Variants in PTPRO observed in about 807,000 individuals in gnomAD.
PTPRO encodes the protein protein tyrosine phosphatase receptor type O.
Under a neutral mutation model 145.2 loss-of-function variants are expected in PTPRO, and 62 were observed. That is an observed-to-expected ratio of 0.43 (90% CI 0.35 to 0.53). The LOEUF is 0.53. Ranked by LOEUF, PTPRO falls within the 20% of genes least tolerant of loss-of-function variation. PTPRO has a pLI of 0.01. For synonymous variants in PTPRO, 565 were observed against 514.7 expected, an observed-to-expected ratio of 1.10 and a Z score of -1.32; for missense variants, 1,345 against 1,482.7, an observed-to-expected ratio of 0.91 and a Z score of 1.53.
intron 1 of PTPRO, among the ~76,000 whole-genome samples, chr12:15,404,650 A>C (rs1369413457): frequency 1.3e-5 from 2 of 152,210 alleles, no homozygotes; most frequent in African/African-American, 4.8e-5. Context: ...ATCATACTTC[A>C]TCAGTGAATA....
chr12:15,517,922 T>C (rs1942632491), intron 9 of PTPRO, among the ~76,000 whole-genome samples: 1 of 152,192 alleles, frequency 6.6e-6, no homozygotes. Flanking sequence ...TCAGTGGATC[T>C]ACCATTCTGG....
At position 15,466,503 on chromosome 12, in the gene PTPRO, A is replaced by G. The variant is rs118039155; in HGVS notation, c.76-17471A>G. 4.2e-4 allele frequency among the ~76,000 whole-genome samples: 64 copies of G among 152,340 alleles called. No homozygotes were observed. In the East Asian group the frequency reaches 0.012, roughly 29 times the overall value. On this transcript the variant is annotated intron_variant, in intron 1 of 26. Coordinates refer to ENST00000281171, the MANE Select transcript of PTPRO (RefSeq NM_030667.3). ...GCCTGTTGGATTTCTTATGTTATTC[A>G]GAAAGTTTTGCAATGCCTATAATGG...
At chr12:15,519,825 C>A (rs998753079) in intron 9 of PTPRO, among the ~76,000 whole-genome samples, 1 of 152,142 alleles carries the variant, frequency 6.6e-6, no homozygotes, top group African/African-American at 2.4e-5. Flanking sequence ...GACTCCTGTT[C>A]GTGGTTTACA....
chr12:15,441,971 A>T (rs1284481523), intron 1 of PTPRO, among the ~76,000 whole-genome samples: 2 of 152,316 alleles, frequency 1.3e-5, no homozygotes, highest in East Asian at 1.9e-4. Context: ...CAAAAAATCA[A>T]GAAGGGAGTC....
intron 19 of PTPRO, among the ~76,000 whole-genome samples, chr12:15,572,344 C>G (rs192788974): frequency 9.3e-4 from 141 of 152,222 alleles, no homozygotes; most frequent in Non-Finnish European, 1.7e-3. Flanking sequence ...GTTCCTAAAA[C>G]TATACAAACA....
intron 1 of PTPRO, among the ~76,000 whole-genome samples, chr12:15,358,582 G>T (rs1266141319): frequency 6.6e-6 from 1 of 152,140 alleles, no homozygotes; most frequent in Non-Finnish European, 1.5e-5. Flanking sequence ...GGATCCTGGA[G>T]ACTCTCTAAT....
intron 1 of PTPRO, among the ~76,000 whole-genome samples, chr12:15,394,776 G>A (rs77362355): frequency 0.18 from 27,754 of 152,122 alleles, 2,663 homozygotes; most frequent in South Asian, 0.22. Context: ...AGGTTCTTCC[G>A]TCTATAGAGT....
intron 1 of PTPRO, among the ~76,000 whole-genome samples, chr12:15,354,299 C>T (rs1156541818): frequency 2.0e-5 from 3 of 152,118 alleles, no homozygotes; most frequent in South Asian, 2.1e-4. Flanking sequence ...GTGATTTCAC[C>T]GTTCTTCCAC....
At chr12:15,357,748 G>C (rs1938042631) in intron 1 of PTPRO, among the ~76,000 whole-genome samples, 1 of 150,944 alleles carries the variant, frequency 6.6e-6, no homozygotes, top group African/African-American at 2.4e-5. Flanking sequence ...AGGTGCTGGA[G>C]AGGATGTGGA....
At chr12:15,497,480 T>TA (rs770282329) in intron 3 of PTPRO, 77 bp downstream of exon 3, 88 of 1,440,846 alleles carry the variant, frequency 6.1e-5, no homozygotes, top group Non-Finnish European at 8.3e-5. Context: ...TGTTCTCTCT[T>TA]ACTGCAAAGA....
chr12:15,350,541 T>A (rs187061401), intron 1 of PTPRO, among the ~76,000 whole-genome samples: 106 of 152,328 alleles, frequency 7.0e-4, no homozygotes, highest in African/African-American at 2.5e-3. Flanking sequence ...GATTGTTAAA[T>A]CTGTCTTGAA....
At chr12:15,434,448 G>T (rs1741224402) in intron 1 of PTPRO, among the ~76,000 whole-genome samples, 1 of 152,128 alleles carries the variant, frequency 6.6e-6, no homozygotes. Context: ...CAGGGTGAAT[G>T]GTAAAGTAGT....
intron 1 of PTPRO, among the ~76,000 whole-genome samples, chr12:15,369,824 G>T (rs2136256343): frequency 6.6e-6 from 1 of 152,258 alleles, no homozygotes; most frequent in South Asian, 2.1e-4. Context: ...GGCCAAGGAG[G>T]GTGGATCACC....
chr12:15,540,340 GC>G (rs1221802279), intron 12 of PTPRO, among the ~76,000 whole-genome samples: 1 of 152,200 alleles, frequency 6.6e-6, no homozygotes, highest in Non-Finnish European at 1.5e-5. Context: ...TAACATTTAT[GC>G]TTTGCATATG....
At chr12:15,402,637 T>C (rs1238416725) in intron 1 of PTPRO, among the ~76,000 whole-genome samples, 1 of 152,156 alleles carries the variant, frequency 6.6e-6, no homozygotes, top group African/African-American at 2.4e-5. Flanking sequence ...TTGATAACAA[T>C]ATATATTGTT....
In PTPRO at chr12:15,598,177, G is replaced by A. The variant is rs970833662; in HGVS notation, c.*2104G>A. 6.6e-6 allele frequency among the ~76,000 whole-genome samples: 1 copy of A among 152,196 alleles called. No homozygotes were observed. The highest frequency in any genetic ancestry group is 1.5e-5 in the Non-Finnish European group (1 of 68,034). ...TGAAGGCTTAGAGTCAAAACTACAG[G>A]AAGGTCACACTGTTCTCTGGAACAC... is the stretch of plus-strand genomic sequence containing the variant. On this transcript the variant is annotated 3_prime_UTR_variant, in exon 27 of 27. Coordinates refer to ENST00000281171, the MANE Select transcript of PTPRO (RefSeq NM_030667.3).
At chr12:15,498,559 AAATG>A (rs549765411) in intron 3 of PTPRO, among the ~76,000 whole-genome samples, 1 of 152,194 alleles carries the variant, frequency 6.6e-6, no homozygotes, top group Non-Finnish European at 1.5e-5. Context: ...CCCCATCTCA[AAATG>A]AATGAATGAA....
chr12:15,351,363 T>C (rs1937796665), intron 1 of PTPRO, among the ~76,000 whole-genome samples: 1 of 152,206 alleles, frequency 6.6e-6, no homozygotes, highest in African/African-American at 2.4e-5. Context: ...TAAGTGATTT[T>C]AGTGGGGCTG....
intron 11 of PTPRO, 92 bp from the exon 12 acceptor site, chr12:15,526,050 G>GGAATGT: frequency 2.8e-6 from 4 of 1,451,864 alleles, no homozygotes; most frequent in Non-Finnish European, 3.9e-6. Flanking sequence ...GAACAGAGAG[G>GGAATGT]GAATGTGTCT....
Sources: allele counts gnomAD v4.1 joint callset (sites outside exome capture counted in the v4.1 genomes callset), GRCh38; gene constraint gnomAD v4.1.1; transcripts MANE v1.5; gene names NCBI Gene and HGNC (gene_info 2026-07-23, HGNC 2026-07-21).